The following SOD2 variants were observed in gnomAD, a reference collection of about 807,000 sequenced individuals.
SOD2 encodes superoxide dismutase 2, also known as superoxide dismutase [Mn], mitochondrial.
Under a neutral mutation model 27.0 loss-of-function variants are expected in SOD2, and 11 were observed. The ratio of observed to expected loss-of-function variants is 0.41; its 90% confidence interval spans 0.26 to 0.67. SOD2 has a LOEUF of 0.67. SOD2 is among the 30% of genes least tolerant of loss of function. The pLI, the probability that SOD2 is intolerant of heterozygous loss-of-function variation, is 0.34. For missense variants in SOD2, 250 were observed against 274.5 expected, an observed-to-expected ratio of 0.91 and a Z score of 0.63; for synonymous variants, 105 against 103.0, an observed-to-expected ratio of 1.02 and a Z score of -0.12.
chr6:159,716,991 C>T (rs1777932120), intron 1 of SOD2, among the ~76,000 whole-genome samples: 1 of 152,174 alleles, frequency 6.6e-6, no homozygotes, highest in African/African-American at 2.4e-5. Flanking sequence ...TACAGCAATG[C>T]CTAGTCATTC....
rs1779766896 is a variant in SOD2, at chr6:159,675,799, G to A, written c.*6694C>T. Reference sequence around the variant, plus strand: ...TGCACAGCAAAAGAAACTACCATCAGAGTGAACAGGCAACCTACAAAATGG... The same window carrying A: ...TGCACAGCAAAAGAAACTACCATCAAAGTGAACAGGCAACCTACAAAATGG... On this transcript the variant is annotated 3_prime_UTR_variant, in exon 5 of 5. Coordinates refer to ENST00000538183, the MANE Select transcript of SOD2 (RefSeq NM_000636.4). 6.6e-6 allele frequency: 1 copy of A among 152,178 alleles called. No homozygotes were observed. Among genetic ancestry groups the A allele is most frequent in the African/African-American group, 2.4e-5 (1 of 41,432 alleles). 9.4% of individuals were successfully genotyped at this position (152,178 alleles called of 1,614,324 possible).
chr6:159,701,650 A>G (rs1777525306), intron 1 of SOD2, among the ~76,000 whole-genome samples: 1 of 152,114 alleles, frequency 6.6e-6, no homozygotes, highest in Admixed American at 6.5e-5. Context: ...AGCAAATTTA[A>G]TGACCTATTG....
chr6:159,689,920 A>C (rs1460139846), intron 2 of SOD2, among the ~76,000 whole-genome samples: 1 of 149,080 alleles, frequency 6.7e-6, no homozygotes, highest in Non-Finnish European at 1.5e-5. Flanking sequence ...AGAACACGCC[A>C]CTGCACTCCA....
intron 1 of SOD2, among the ~76,000 whole-genome samples, chr6:159,756,594 C>CTTT (rs3066261): frequency 0.14 from 13,229 of 94,022 alleles, 1,309 homozygotes; most frequent in South Asian, 0.2. Flanking sequence ...ATTTCTTAGG[C>CTTT]TTTTTTTTTT....
At chr6:159,727,625 G>T, upstream of SOD2, 1 of 986,082 alleles carries the variant, frequency 1.0e-6, no homozygotes, top group South Asian at 4.6e-5. Flanking sequence ...CGGTGGCCCG[G>T]GGGGCCCGGG....
chr6:159,750,899 C>T (rs1383088886), intron 1 of SOD2, among the ~76,000 whole-genome samples: 2 of 152,184 alleles, frequency 1.3e-5, no homozygotes, highest in Non-Finnish European at 2.9e-5. Flanking sequence ...TGCGTGCACG[C>T]GCACGCACGT....
At chr6:159,713,839 G>T in intron 1 of SOD2, 1 of 1,103,056 alleles carries the variant, frequency 9.1e-7, no homozygotes, top group Non-Finnish European at 1.4e-6. Context: ...CACTTGGTCT[G>T]CCTTCTCCGG....
chr6:159,743,662 C>G (rs1452128294), intron 1 of SOD2: 1 of 1,582,376 alleles, frequency 6.3e-7, no homozygotes, highest in Non-Finnish European at 8.6e-7. Context: ...TTTGAATCAT[C>G]AGCTAATGAT....
chr6:159,727,023 AGC>A (rs1778208367), intron 1 of SOD2: 1 of 1,237,326 alleles, frequency 8.1e-7, no homozygotes, highest in Non-Finnish European at 1.0e-6. Context: ...GCAGCCCCGC[AGC>A]CGCAGGTGGC....
chr6:159,756,733 C>T (rs186866144), intron 1 of SOD2, among the ~76,000 whole-genome samples: 2 of 151,638 alleles, frequency 1.3e-5, no homozygotes, highest in Non-Finnish European at 2.9e-5. Flanking sequence ...TTCCGAGTAC[C>T]TGAGACTATA....
chr6:159,687,967 C>T (rs868685157), intron 3 of SOD2, among the ~76,000 whole-genome samples, 159 bp downstream of exon 3: 2 of 152,018 alleles, frequency 1.3e-5, no homozygotes, highest in African/African-American at 4.8e-5. Context: ...GCCAAGACTG[C>T]GCCACTGTAC....
intron 1 of SOD2, among the ~76,000 whole-genome samples, chr6:159,707,306 T>C (rs1361757780): frequency 1.3e-5 from 2 of 151,760 alleles, no homozygotes; most frequent in Non-Finnish European, 2.9e-5. Context: ...CAAAAAACCC[T>C]TCAAAAAAAT....
intron 1 of SOD2, among the ~76,000 whole-genome samples, chr6:159,759,338 C>T (rs1379267000): frequency 6.8e-6 from 1 of 147,244 alleles, no homozygotes; most frequent in African/African-American, 2.5e-5. Context: ...GGATTACAGG[C>T]ATGAGCCACC....
chr6:159,762,274 G>A, exon 1 of SOD2: 1 of 1,304,104 alleles, frequency 7.7e-7, no homozygotes, highest in Non-Finnish European at 1.0e-6. Context: ...AGGAGCCGCG[G>A]GATCCCTGGA....
At chr6:159,715,637 C>T (rs979841776) in intron 1 of SOD2, among the ~76,000 whole-genome samples, 13 of 152,138 alleles carry the variant, frequency 8.5e-5, no homozygotes, top group African/African-American at 2.4e-4. Flanking sequence ...TGGTGGCTCA[C>T]GCCTGTAATC....
At chr6:159,695,465 T>C (rs776407640), upstream of SOD2, among the ~76,000 whole-genome samples, 2 of 152,092 alleles carry the variant, frequency 1.3e-5, no homozygotes, top group African/African-American at 2.4e-5. Context: ...TTGTGGGATA[T>C]GGGAGGTAAA....
chr6:159,727,049 T>A, intron 1 of SOD2: 1 of 1,220,318 alleles, frequency 8.2e-7, no homozygotes, highest in South Asian at 1.4e-5. Context: ...GGCGAGTACT[T>A]CCACCTTCCC....
chr6:159,737,356 A>G (rs562887606), intron 1 of SOD2, among the ~76,000 whole-genome samples: 8 of 152,268 alleles, frequency 5.3e-5, no homozygotes, highest in East Asian at 3.9e-4. Flanking sequence ...CAGCCTTTCA[A>G]TATGTTACAT....
chr6:159,701,994 C>T (rs551825474), intron 1 of SOD2, among the ~76,000 whole-genome samples: 1 of 152,286 alleles, frequency 6.6e-6, no homozygotes, highest in Admixed American at 6.5e-5. Context: ...AACAAAATCT[C>T]CCTGCCTTGT....
Sources: gnomAD v4.1 joint callset for allele counts (sites outside exome capture counted in the v4.1 genomes callset) on GRCh38, gnomAD v4.1.1 for gene constraint, MANE v1.5 for transcripts, NCBI Gene and HGNC (gene_info 2026-07-23, HGNC 2026-07-21) for gene names.